The following NOC3L variants were observed in gnomAD, a reference collection of about 807,000 sequenced individuals.
The protein encoded by NOC3L is nucleolar complex protein 3 homolog.
NOC3L carries 85 observed loss-of-function variants against 102.5 expected under a neutral mutation model. The ratio of observed to expected loss-of-function variants is 0.83; its 90% CI spans 0.70 to 0.99. The LOEUF (loss-of-function observed/expected upper bound fraction) is 0.99, where lower values mean the gene tolerates loss of function less well. Ranked by LOEUF, NOC3L falls within the 50% of genes least tolerant of loss-of-function variation. The pLI, the probability that NOC3L is intolerant of heterozygous loss-of-function variation, is 0.00. For missense variants in NOC3L, 878 were observed against 914.9 expected, an observed-to-expected ratio of 0.96 and a Z score of 0.52; for synonymous variants, 303 against 309.4, an observed-to-expected ratio of 0.98 and a Z score of 0.22.
intron 1 of NOC3L, among the ~76,000 whole-genome samples, chr10:94,362,199 G>T (rs532497486): frequency 2.0e-5 from 3 of 152,266 alleles, no homozygotes; most frequent in African/African-American, 7.2e-5. Context: ...CAAAATGCTG[G>T]CTGTCTTTAA....
chr10:94,324,228 T>C, the NOC3L span: 1 of 806,520 alleles, frequency 1.2e-6, no homozygotes, highest in South Asian at 1.4e-5. Context: ...GATGAAATGA[T>C]CTGGAAGATC....
At position 94,357,266 on chromosome 10, in the gene NOC3L, C is replaced by T; in HGVS notation, c.416G>A (p.Arg139Lys). 6.2e-7 allele frequency: 1 copy of T among 1,608,414 alleles called. No homozygotes were observed. The highest frequency in any genetic ancestry group is 1.3e-5 in the African/African-American group (1 of 74,804). ...RIIDKYEKIP[R>K]TLQTAPEKEL... ...CTTCTCTGGTGCAGTTTGCAGAGTT[C>T]TTGGTATTTTTTCATATTTATCTAT... The change falls in exon 4 of 21, where the codon AGA becomes AAA. Residue 139 changes from arginine (R) to lysine (K), a missense_variant. Transcript: ENST00000371361.
At chr10:94,331,869 CTTTT>C (rs36054579), downstream of NOC3L, 15 of 119,070 alleles carry the variant, frequency 1.3e-4, no homozygotes, top group Admixed American at 9.1e-5. Context: ...CCAAGTTATT[CTTTT>C]TTTTTTTTTT....
rs776452561 is a variant in NOC3L at position 94,346,405 on chromosome 10, A to C, written c.1389+20T>G. 6.9e-7 allele frequency: 1 copy of C among 1,451,052 alleles called. No individual in the cohort carries two copies. Among genetic ancestry groups the C allele is most frequent in the African/African-American group, 1.5e-5 (1 of 67,868 alleles). The allele number at this position is 1,451,052 out of a possible 1,614,324, so 89.9% of individuals were successfully genotyped here. A position where few individuals can be genotyped will look rare whatever the true frequency, so the allele number is the denominator to read the frequency against. ...ATAAACAGAAAATTTAAATGAAACAAAAGGGGAAATAAGTCAAACCTTTCT... is the reference window on the plus strand; with the variant it reads ...ATAAACAGAAAATTTAAATGAAACACAAGGGGAAATAAGTCAAACCTTTCT... On this transcript the variant is annotated intron_variant, in intron 11 of 20. Coordinates refer to ENST00000371361, the MANE Select transcript of NOC3L (RefSeq NM_022451.11).
At chr10:94,325,330 G>A in the NOC3L span, 3 of 446,076 alleles carry the variant, frequency 6.7e-6, no homozygotes, top group Non-Finnish European at 4.1e-6. Context: ...TGGGCGTGGT[G>A]GCGCATGCCT....
chr10:94,320,696 C>T, the NOC3L span, among the ~76,000 whole-genome samples: 1 of 152,178 alleles, frequency 6.6e-6, no homozygotes, highest in African/African-American at 2.4e-5. Flanking sequence ...TTTACCTCTC[C>T]CTGCCCTTTT....
rs183170661 is a variant in NOC3L at position 94,339,274 on chromosome 10, G to A, written c.1962+465C>T. Among the ~76,000 whole-genome samples the A allele has an allele frequency of 2.0e-5, 3 of 152,272 alleles. No individual in the cohort carries two copies. The East Asian group carries it at 5.8e-4, about 29-fold the overall frequency. On this transcript the variant is annotated intron_variant, in intron 17 of 20. Coordinates refer to ENST00000371361, the MANE Select transcript of NOC3L (RefSeq NM_022451.11). ...TCAGAGTTATGAAAATTAAATTTTTGTAAGGCATTTATAACTGGAAGGCAC... is the reference window on the plus strand; with the variant it reads ...TCAGAGTTATGAAAATTAAATTTTTATAAGGCATTTATAACTGGAAGGCAC...
chr10:94,316,955 A>T, the NOC3L span, among the ~76,000 whole-genome samples: 1 of 152,242 alleles, frequency 6.6e-6, no homozygotes, highest in Non-Finnish European at 1.5e-5. Context: ...ATTCAATCTA[A>T]AAAACATCCC....
At chr10:94,317,690 A>G in the NOC3L span, among the ~76,000 whole-genome samples, 1 of 152,110 alleles carries the variant, frequency 6.6e-6, no homozygotes, top group East Asian at 1.9e-4. Context: ...TGCCATGTTG[A>G]CTCCAAACTG....
At chr10:94,316,008 A>C in the NOC3L span, among the ~76,000 whole-genome samples, 4 of 152,066 alleles carry the variant, frequency 2.6e-5, no homozygotes, top group African/African-American at 9.7e-5. Context: ...GCTTTGTCTC[A>C]GCTGCCCTGT....
In NOC3L at chr10:94,362,916, A is replaced by T. The variant is rs977156324; in HGVS notation, c.-78T>A. 6 of 1,610,892 alleles carry T rather than the reference A, an allele frequency of 3.7e-6. No homozygotes were observed. The African/African-American group carries it at 8.0e-5, about 22-fold the overall frequency. ...CTACAGAAATCCCGGGGAATGACAC[A>T]CGTGCCGAAGTCCCTACACTACCAG... On this transcript the variant is annotated 5_prime_UTR_variant, in exon 1 of 21. Transcript: ENST00000371361.
chr10:94,339,783 T>A lies in NOC3L; in HGVS notation c.1918A>T (p.Asn640Tyr). 1 of 1,614,044 alleles carries A rather than the reference T, an allele frequency of 6.2e-7. No homozygotes were observed. ...GTTGCTAAAATGCCAATACTTGAAT[T>A]TGGAAGAACATGAAGAGCAAGGGTA... ...LCTLALHVLP[N>Y]SSIGILATTR... Residue 640 changes from asparagine (N) to tyrosine (Y), a missense_variant, in exon 17 of 21, where the codon AAT (asparagine) becomes TAT (tyrosine). Transcript: ENST00000371361.
At chr10:94,328,742 T>C (rs1476715611), downstream of NOC3L, 1 of 152,232 alleles carries the variant, frequency 6.6e-6, no homozygotes, top group African/African-American at 2.4e-5. Flanking sequence ...AGTGCACTCC[T>C]CTTTAGGATT....
Position 94,358,063 on chromosome 10 carries a change from T to C in NOC3L, c.350+20A>G, listed in dbSNP as rs1176429349. 6.7e-7 allele frequency: 1 copy of C among 1,498,540 alleles called. No homozygotes were observed. The highest frequency in any genetic ancestry group is 1.7e-5 in the Admixed American group (1 of 59,300). The allele number at this position is 1,498,540 out of a possible 1,614,324, so 92.8% of individuals were successfully genotyped here. ...AACACTAAATGGATATGAATGATTA[T>C]AACCCAAATGAAGTATTACCTAGAA... is the stretch of plus-strand genomic sequence containing the variant. On this transcript the variant is annotated intron_variant, in intron 3 of 20. Transcript: ENST00000371361.
At chr10:94,328,750 A>AT (rs2054119297), downstream of NOC3L, 1 of 152,086 alleles carries the variant, frequency 6.6e-6, no homozygotes, top group Admixed American at 6.5e-5. Flanking sequence ...CCTCTTTAGG[A>AT]TTTTTTTACA....
intron 17 of NOC3L, 132 bp from the exon 18 acceptor site, chr10:94,338,868 G>A: frequency 4.7e-6 from 3 of 640,974 alleles, no homozygotes; most frequent in Non-Finnish European, 6.9e-6. Flanking sequence ...TTTACACCTA[G>A]ATTTAATAAA....
At chr10:94,350,972 A>T (rs2054409012) in intron 8 of NOC3L, among the ~76,000 whole-genome samples, 1 of 152,064 alleles carries the variant, frequency 6.6e-6, no homozygotes, top group Non-Finnish European at 1.5e-5. Flanking sequence ...ACATGTTGAA[A>T]TGATAATCTG....
In NOC3L at chr10:94,357,204, C is replaced by T; in HGVS notation, c.478G>A (p.Gly160Ser). 6.3e-7 allele frequency: 1 copy of T among 1,595,696 alleles called. No individual in the cohort carries two copies. The highest frequency in any genetic ancestry group is 1.7e-5 in the Admixed American group (1 of 57,894). ...TTCTCCCTAGTCTGTGGGATTATAC[C>T]ACTTTTATCTTTGATAGGAAGTAAA... Reference protein sequence around the residue: ...IHLLPIKDKSGIIPQTREKPV... With the variant: ...IHLLPIKDKSSIIPQTREKPV... Residue 160 changes from glycine to serine, a missense_variant, in exon 4 of 21, where the codon GGT (glycine) becomes AGT (serine). Transcript: ENST00000371361.
chr10:94,346,647 C>T (rs2054347439), intron 10 of NOC3L, 91 bp from the exon 11 acceptor site: 2 of 694,564 alleles, frequency 2.9e-6, no homozygotes, highest in Admixed American at 3.7e-5. Flanking sequence ...AGTGTTATTT[C>T]CCTCGTTCAT....
Sources: gnomAD v4.1 joint callset for allele counts (sites outside exome capture counted in the v4.1 genomes callset) on GRCh38, gnomAD v4.1.1 for gene constraint, MANE v1.5 for transcripts, NCBI Gene and HGNC (gene_info 2026-07-23, HGNC 2026-07-21) for gene names.